The following KHDRBS2 variants were observed in gnomAD, a reference collection of about 807,000 sequenced individuals.
KHDRBS2 encodes the protein KH RNA binding domain containing, signal transduction associated 2, also known as KH domain-containing, RNA-binding, signal transduction-associated protein 2.
Under a neutral mutation model 44.3 loss-of-function variants are expected in KHDRBS2, and 26 were observed. The observed-to-expected ratio is 0.59, with a 90% CI of 0.43 to 0.81. The LOEUF (loss-of-function observed/expected upper bound fraction) is 0.81. Ranked by LOEUF, KHDRBS2 falls within the 40% of genes least tolerant of loss-of-function variation. The pLI, the probability that KHDRBS2 is intolerant of heterozygous loss-of-function variation, is 0.00. For synonymous variants in KHDRBS2, 194 were observed against 151.1 expected, an observed-to-expected ratio of 1.28 and a Z score of -2.08; for missense variants, 476 against 433.1, an observed-to-expected ratio of 1.10 and a Z score of -0.88.
intron 2 of KHDRBS2, among the ~76,000 whole-genome samples, chr6:62,112,897 A>T (rs1325027440): frequency 6.6e-6 from 1 of 152,164 alleles, no homozygotes; most frequent in East Asian, 1.9e-4. Context: ...GATTTCACTG[A>T]AAAACTAAAA....
chr6:62,063,597 T>G (rs1195284306), intron 2 of KHDRBS2, among the ~76,000 whole-genome samples: 1 of 151,456 alleles, frequency 6.6e-6, no homozygotes, highest in Non-Finnish European at 1.5e-5. Context: ...TGATAAAAAC[T>G]CTCAATAAAT....
intron 4 of KHDRBS2, among the ~76,000 whole-genome samples, chr6:61,934,401 T>C (rs368991577): frequency 5.5e-4 from 84 of 152,220 alleles, no homozygotes; most frequent in Middle Eastern, 3.4e-3. Flanking sequence ...GCATTTCCCC[T>C]AGGAGACTAG....
At chr6:61,596,053 A>T in the KHDRBS2 span, among the ~76,000 whole-genome samples, 1 of 152,120 alleles carries the variant, frequency 6.6e-6, no homozygotes, top group Non-Finnish European at 1.5e-5. Flanking sequence ...TCAGAACAGA[A>T]GACAGAGCTG....
At chr6:62,166,532 GT>G (rs1206255063) in intron 2 of KHDRBS2, among the ~76,000 whole-genome samples, 1 of 151,998 alleles carries the variant, frequency 6.6e-6, no homozygotes, top group East Asian at 1.9e-4. Flanking sequence ...CTTTCAACAA[GT>G]TGGCTGCAGT....
intron 6 of KHDRBS2, among the ~76,000 whole-genome samples, chr6:61,746,042 A>AG (rs1292109177): frequency 6.7e-6 from 1 of 149,748 alleles, no homozygotes; most frequent in African/African-American, 2.5e-5. Flanking sequence ...ATTTTATTTT[A>AG]TTTTAGTTTA....
At chr6:62,163,367 C>A (rs1167462750) in intron 2 of KHDRBS2, among the ~76,000 whole-genome samples, 2 of 152,052 alleles carry the variant, frequency 1.3e-5, no homozygotes, top group African/African-American at 2.4e-5. Context: ...GCAATGTCTA[C>A]ACAATATGCT....
At chr6:61,650,036 A>G in the KHDRBS2 span, among the ~76,000 whole-genome samples, 5 of 152,118 alleles carry the variant, frequency 3.3e-5, no homozygotes, top group African/African-American at 9.7e-5. Flanking sequence ...GTTGCTCACC[A>G]GTGTCCAGCT....
intron 2 of KHDRBS2, among the ~76,000 whole-genome samples, chr6:62,073,793 TC>T (rs1795782722): frequency 6.6e-6 from 1 of 151,708 alleles, no homozygotes; most frequent in Admixed American, 6.6e-5. Flanking sequence ...CTCAGCCTCC[TC>T]CTAATAGCTC....
intron 1 of KHDRBS2, among the ~76,000 whole-genome samples, chr6:62,190,426 T>C (rs1481868485): frequency 6.6e-6 from 1 of 152,080 alleles, no homozygotes; most frequent in East Asian, 1.9e-4. Context: ...TTTTCTAAAT[T>C]CTTGAGACCA....
intron 1 of KHDRBS2, among the ~76,000 whole-genome samples, chr6:62,206,388 G>A (rs958898521): frequency 2.0e-5 from 3 of 152,004 alleles, no homozygotes; most frequent in African/African-American, 7.2e-5. Context: ...TATATTGATT[G>A]AATCCATTGA....
chr6:61,857,634 C>T (rs1044765269), intron 6 of KHDRBS2, among the ~76,000 whole-genome samples: 19 of 151,814 alleles, frequency 1.3e-4, no homozygotes, highest in African/African-American at 2.9e-4. Context: ...TAGCAACATA[C>T]GGATTTTGTT....
chr6:62,253,288 G>A (rs1045528676), intron 1 of KHDRBS2, among the ~76,000 whole-genome samples: 1 of 151,802 alleles, frequency 6.6e-6, no homozygotes, highest in Non-Finnish European at 1.5e-5. Context: ...TTTTTGCTTT[G>A]TATATGTTTA....
At chr6:61,972,341 T>C (rs1771599788) in intron 4 of KHDRBS2, among the ~76,000 whole-genome samples, 1 of 152,178 alleles carries the variant, frequency 6.6e-6, no homozygotes, top group Non-Finnish European at 1.5e-5. Context: ...TATTACAACT[T>C]ATCAGATAAG....
intron 3 of KHDRBS2, among the ~76,000 whole-genome samples, chr6:61,983,245 T>TCTTTCTTTCTTTCTTTC (rs1376239482): frequency 7.2e-4 from 101 of 139,966 alleles, no homozygotes; most frequent in African/African-American, 2.6e-3. Flanking sequence ...TCTTTTTTTT[T>TCTTTCTTTCTTTCTTTC]TTTTTTTTTT....
At chr6:61,759,823 C>A (rs530388939) in intron 6 of KHDRBS2, among the ~76,000 whole-genome samples, 1 of 152,264 alleles carries the variant, frequency 6.6e-6, no homozygotes, top group Non-Finnish European at 1.5e-5. Context: ...ACACTAGCAG[C>A]CTAAAGGAGC....
intron 2 of KHDRBS2, among the ~76,000 whole-genome samples, chr6:62,092,261 G>T (rs566397875): frequency 6.6e-6 from 1 of 152,004 alleles, no homozygotes; most frequent in South Asian, 2.1e-4. Context: ...CACCCAAATG[G>T]CATTTACCAG....
Position 61,869,964 on chromosome 6 carries a change from G to GTTTTTTTTTTTTTTTTTTTTTTT in KHDRBS2, c.810+24648_810+24670dup, listed in dbSNP as rs59518436. Reference sequence around the variant, plus strand: ...TAGACACCGAACTAGCTGCAGGAGTGTTTTTTTTTTTTTTTTTTTTTTTCC... The same window carrying GTTTTTTTTTTTTTTTTTTTTTTT: ...TAGACACCGAACTAGCTGCAGGAGTGTTTTTTTTTTTTTTTTTTTTTTTTTTTTTTTTTTTTTTTTTTTTTTCC... On this transcript the variant is annotated intron_variant, in intron 6 of 8. Coordinates refer to ENST00000281156, the MANE Select transcript of KHDRBS2 (RefSeq NM_152688.4). Among the ~76,000 whole-genome samples, 8 of 108,978 alleles carry GTTTTTTTTTTTTTTTTTTTTTTT rather than the reference G, an allele frequency of 7.3e-5. 1 individual carries two copies. The highest frequency in any genetic ancestry group is 3.0e-4 in the African/African-American group (8 of 26,358). 71.5% of individuals were successfully genotyped at this position (108,978 alleles called of 152,430 possible). A position where few individuals can be genotyped will look rare whatever the true frequency, so the allele number is the denominator to read the frequency against.
chr6:61,642,411 T>C, the KHDRBS2 span, among the ~76,000 whole-genome samples: 14 of 151,710 alleles, frequency 9.2e-5, no homozygotes. Context: ...ATCCCAGCAC[T>C]TTTGGAGTCC....
intron 7 of KHDRBS2, among the ~76,000 whole-genome samples, chr6:61,699,723 A>T (rs1363930934): frequency 2.0e-5 from 3 of 152,102 alleles, no homozygotes; most frequent in Non-Finnish European, 2.9e-5. Context: ...TATCAGAGAT[A>T]AAAAGAGGGG....
Sources: gnomAD v4.1 joint callset for allele counts (sites outside exome capture counted in the v4.1 genomes callset) on GRCh38, gnomAD v4.1.1 for gene constraint, MANE v1.5 for transcripts, NCBI Gene and HGNC (gene_info 2026-07-23, HGNC 2026-07-21) for gene names.